Variants in CSMD3 observed in about 807,000 individuals in gnomAD.
CSMD3 encodes the protein CUB and Sushi multiple domains 3.
CSMD3 carries 177 observed loss-of-function variants against 435.2 expected under a neutral mutation model. That is an observed-to-expected ratio of 0.41 (90% CI 0.36 to 0.46). The LOEUF (loss-of-function observed/expected upper bound fraction) is 0.46, where lower values mean the gene tolerates loss of function less well. CSMD3 is among the 20% of genes least tolerant of loss of function. The pLI is 0.34. For synonymous variants in CSMD3, 1,656 were observed against 1,520.5 expected, an observed-to-expected ratio of 1.09 and a Z score of -2.07; for missense variants, 4,265 against 4,504.6, an observed-to-expected ratio of 0.95 and a Z score of 1.52.
At chr8:113,227,678 C>T (rs968198795) in intron 3 of CSMD3, among the ~76,000 whole-genome samples, 4 of 151,624 alleles carry the variant, frequency 2.6e-5, no homozygotes, top group African/African-American at 7.2e-5. Flanking sequence ...CTTGTGCTCT[C>T]TCCTGCCACC....
chr8:113,261,359 C>T (rs548737332), intron 3 of CSMD3, among the ~76,000 whole-genome samples: 1 of 152,118 alleles, frequency 6.6e-6, no homozygotes, highest in Non-Finnish European at 1.5e-5. Flanking sequence ...TTTGTTTACA[C>T]AATTACTTAA....
intron 49 of CSMD3, among the ~76,000 whole-genome samples, chr8:112,312,552 G>A (rs928273424): frequency 1.4e-4 from 22 of 151,954 alleles, no homozygotes; most frequent in Admixed American, 6.6e-4. Context: ...CACCGCGCCT[G>A]GCCATGTTTC....
chr8:113,077,529 C>T (rs2089394328), intron 5 of CSMD3, among the ~76,000 whole-genome samples: 1 of 152,006 alleles, frequency 6.6e-6, no homozygotes, highest in African/African-American at 2.4e-5. Flanking sequence ...TGGCGAAACC[C>T]CATCTCTACT....
chr8:112,279,759 T>C (rs1340267090), intron 59 of CSMD3, among the ~76,000 whole-genome samples: 7 of 152,142 alleles, frequency 4.6e-5, no homozygotes, highest in Non-Finnish European at 1.5e-5. Flanking sequence ...AAGACCTCCA[T>C]ATCAATATTA....
At chr8:113,090,215 T>C (rs1298779963) in intron 5 of CSMD3, among the ~76,000 whole-genome samples, 1 of 152,040 alleles carries the variant, frequency 6.6e-6, no homozygotes, top group Non-Finnish European at 1.5e-5. Context: ...ATTAGTCAAG[T>C]TAGGCATAGG....
In CSMD3 at chr8:112,596,207, G is replaced by T. The variant is rs368006834; in HGVS notation, c.3716-8972C>A. On this transcript the variant is annotated intron_variant, in intron 22 of 70. Transcript: ENST00000297405. ...AATTGGAAAACAAAAAAAGGCAGGG[G>T]TTGCAATCCTAGTCTCTGATAAAAC... Among the ~76,000 whole-genome samples the T allele has an allele frequency of 4.8e-4, 73 of 151,652 alleles. No individual in the cohort carries two copies. The East Asian group carries it at 0.012, about 24-fold the overall frequency.
chr8:113,048,195 C>T (rs1181258806), intron 5 of CSMD3, among the ~76,000 whole-genome samples: 3 of 151,404 alleles, frequency 2.0e-5, no homozygotes, highest in Non-Finnish European at 4.4e-5. Flanking sequence ...TAGGTTCACG[C>T]CATTCTCCTG....
At chr8:112,894,344 G>C (rs1257029882) in intron 10 of CSMD3, among the ~76,000 whole-genome samples, 1 of 151,440 alleles carries the variant, frequency 6.6e-6, no homozygotes, top group Non-Finnish European at 1.5e-5. Context: ...GTCACGTTTA[G>C]TTGTGTGTCA....
Position 113,334,637 on chromosome 8 carries a change from C to T in CSMD3, c.179-19844G>A, listed in dbSNP as rs190937344. On this transcript the variant is annotated intron_variant, in intron 1 of 70. Transcript: ENST00000297405. Reference sequence around the variant, plus strand: ...TGCTATTGTTTCTAGAATAAGAATGCTAGTTATTTTGAAACATTTGATAGA... The same window carrying T: ...TGCTATTGTTTCTAGAATAAGAATGTTAGTTATTTTGAAACATTTGATAGA... Among the ~76,000 whole-genome samples, 233 of 152,034 alleles carry T rather than the reference C, an allele frequency of 1.5e-3. 2 individuals are homozygous for T. The highest frequency in any genetic ancestry group is 4.5e-3 in the East Asian group (23 of 5,168).
At chr8:113,062,522 T>C (rs2088660173) in intron 5 of CSMD3, among the ~76,000 whole-genome samples, 1 of 151,888 alleles carries the variant, frequency 6.6e-6, no homozygotes, top group Non-Finnish European at 1.5e-5. Context: ...ATTGTTGGTT[T>C]CTACAATAAT....
At chr8:113,363,285 C>T (rs929216622) in intron 1 of CSMD3, among the ~76,000 whole-genome samples, 8 of 23,076 alleles carry the variant, frequency 3.5e-4, no homozygotes, top group Admixed American at 1.9e-3. Context: ...ATTGCTTACA[C>T]GCGTGTTTGT....
chr8:112,268,656 T>C (rs1817184996), intron 59 of CSMD3, among the ~76,000 whole-genome samples: 1 of 152,180 alleles, frequency 6.6e-6, no homozygotes, highest in Admixed American at 6.6e-5. Context: ...GACTGGTGTT[T>C]GAGTTATTCC....
intron 3 of CSMD3, among the ~76,000 whole-genome samples, chr8:113,235,362 C>A (rs1032063551): frequency 1.3e-5 from 2 of 152,092 alleles, no homozygotes; most frequent in African/African-American, 4.8e-5. Flanking sequence ...ATAGTGCACC[C>A]CATTCCAATA....
intron 3 of CSMD3, among the ~76,000 whole-genome samples, chr8:113,205,668 T>C (rs1411681388): frequency 6.6e-6 from 1 of 152,106 alleles, no homozygotes; most frequent in Non-Finnish European, 1.5e-5. Flanking sequence ...AACAACCTTT[T>C]CTCTCTAGTG....
chr8:112,238,457 C>T (rs931707596), intron 66 of CSMD3, among the ~76,000 whole-genome samples: 1 of 151,856 alleles, frequency 6.6e-6, no homozygotes, highest in Non-Finnish European at 1.5e-5. Context: ...TGAGTTTTTA[C>T]TGAATATTTC....
intron 13 of CSMD3, among the ~76,000 whole-genome samples, chr8:112,790,231 T>C (rs995221818): frequency 6.6e-6 from 1 of 151,978 alleles, no homozygotes; most frequent in Non-Finnish European, 1.5e-5. Context: ...TATACAAATA[T>C]ATGGTGAAAA....
At chr8:112,579,372 A>C (rs912028552) in intron 23 of CSMD3, among the ~76,000 whole-genome samples, 14 of 152,030 alleles carry the variant, frequency 9.2e-5, no homozygotes, top group African/African-American at 2.7e-4. Flanking sequence ...GCTGACATCA[A>C]GCTATCATTG....
Position 113,234,048 on chromosome 8 carries a change from G to C in CSMD3, c.514+44544C>G, listed in dbSNP as rs537158251. ...ACAAGCACACATTCCCTTTGCCCCA[G>C]AGGAAGGCTATCTTCCAAAGTCTGT... On this transcript the variant is annotated intron_variant, in intron 3 of 70. Coordinates refer to ENST00000297405, the MANE Select transcript of CSMD3 (RefSeq NM_198123.2). 1.8e-4 allele frequency among the ~76,000 whole-genome samples: 28 copies of C among 152,184 alleles called. No homozygotes were observed. In the South Asian group the frequency reaches 5.6e-3, roughly 30 times the overall value.
intron 63 of CSMD3, among the ~76,000 whole-genome samples, chr8:112,252,366 A>G (rs1815342928): frequency 6.6e-6 from 1 of 151,958 alleles, no homozygotes; most frequent in South Asian, 2.1e-4. Flanking sequence ...TGAAGTAGAT[A>G]AACAGAAAGT....
Sources: gnomAD v4.1 joint callset for allele counts (sites outside exome capture counted in the v4.1 genomes callset) on GRCh38, gnomAD v4.1.1 for gene constraint, MANE v1.5 for transcripts, NCBI Gene and HGNC (gene_info 2026-07-23, HGNC 2026-07-21) for gene names.